NCOA5: variants seen among roughly 807,000 people sequenced by gnomAD.
NCOA5 encodes the protein NCoA-5.
Under a neutral mutation model 59.0 loss-of-function variants are expected in NCOA5, and 12 were observed. That is an observed-to-expected ratio of 0.20 (90% confidence interval 0.13 to 0.33). NCOA5 has a LOEUF of 0.33. Among genes scored for constraint, NCOA5 ranks in the 10% least tolerant of loss-of-function variants. NCOA5 has a pLI of 1.00. For synonymous variants in NCOA5, 270 were observed against 275.5 expected (o/e 0.98, Z 0.20); for missense variants, 655 against 766.6 (o/e 0.85, Z 1.72).
At chr20:46,074,591 G>A (rs1358661576) in intron 2 of NCOA5, among the ~76,000 whole-genome samples, 1 of 152,134 alleles carries the variant, frequency 6.6e-6, no homozygotes, top group Non-Finnish European at 1.5e-5. Flanking sequence ...TGCCTTGAGG[G>A]GAATATAGTC....
chr20:46,073,126 T>C (rs3091794), intron 2 of NCOA5, among the ~76,000 whole-genome samples: 55,283 of 152,062 alleles, frequency 0.36, 10,347 homozygotes, highest in East Asian at 0.57. Context: ...TGAATTATTC[T>C]ACTAAACTGT....
chr20:46,065,327 A>T, intron 5 of NCOA5, 99 bp from the exon 6 acceptor site: 4 of 1,069,986 alleles, frequency 3.7e-6, no homozygotes, highest in Non-Finnish European at 5.7e-6. Context: ...CTCAAACCTT[A>T]GTCTACCCCA....
chr20:46,064,959 G>A (rs2145522814), intron 6 of NCOA5, 70 bp downstream of exon 6: 2 of 1,532,194 alleles, frequency 1.3e-6, no homozygotes, highest in Middle Eastern at 2.2e-4. Context: ...CCCAAAACCT[G>A]CTTCTTCTGA....
Position 46,070,459 on chromosome 20 carries a change from G to A in NCOA5, c.116C>T (p.Pro39Leu). 2 of 1,613,850 alleles carry A rather than the reference G, an allele frequency of 1.2e-6. No homozygotes were observed. The highest frequency in any genetic ancestry group is 1.7e-6 in the Non-Finnish European group (2 of 1,179,980). ...SPIRGSPRRE[P>L]RDGRNGRDAR... ...ATCCCGGCCATTTCTGCCATCCCTGGGCTCTCTCCTTGGACTTCCTCGAAT... is the reference window on the plus strand; with the variant it reads ...ATCCCGGCCATTTCTGCCATCCCTGAGCTCTCTCCTTGGACTTCCTCGAAT... The change falls in exon 3 of 8, where the codon CCC (proline) becomes CTC (leucine). Residue 39 changes from proline (P) to leucine (L), a missense_variant. Pro to Leu is a moderately conservative substitution (Grantham distance 98). Coordinates refer to ENST00000290231, the MANE Select transcript of NCOA5 (RefSeq NM_020967.3).
intron 2 of NCOA5, among the ~76,000 whole-genome samples, chr20:46,073,465 T>C (rs2084905863): frequency 1.3e-5 from 2 of 152,202 alleles, no homozygotes; most frequent in South Asian, 4.1e-4. Flanking sequence ...TTACATCATA[T>C]AATCTTCCTA....
intron 5 of NCOA5, 102 bp from the exon 6 acceptor site, chr20:46,065,330 C>T (rs1292887793): frequency 9.3e-7 from 1 of 1,074,768 alleles, no homozygotes. Context: ...AAACCTTAGT[C>T]TACCCCAGTA....
At chr20:46,085,285 G>A (rs1568888962) in intron 1 of NCOA5, among the ~76,000 whole-genome samples, 1 of 151,816 alleles carries the variant, frequency 6.6e-6, no homozygotes, top group African/African-American at 2.4e-5. Context: ...CCTCAGCCCC[G>A]CAAAGTGTTG....
At chr20:46,084,765 A>G (rs1323019629) in intron 1 of NCOA5, among the ~76,000 whole-genome samples, 1 of 152,198 alleles carries the variant, frequency 6.6e-6, no homozygotes, top group Non-Finnish European at 1.5e-5. Context: ...CTGAGAAAAA[A>G]TGATTTTGGA....
Position 46,065,181 on chromosome 20 carries a change from A to G in NCOA5, c.677T>C (p.Val226Ala). Reference protein sequence around the residue: ...VGRKVRDLGMVVDLIFLNTEV... With the variant: ...VGRKVRDLGMAVDLIFLNTEV... The stretch of plus-strand genomic sequence containing the variant: ...TGTGTTAAGGAAGATCAAGTCCACT[A>G]CCATGCCCAGGTCTCGCACCTTCCG... Residue 226 changes from valine (V) to alanine (A), a missense_variant, in exon 6 of 8, where the codon GTA (valine) becomes GCA (alanine). This residue lies in a region of NCOA5 where 80 missense variants were observed against 153.3 expected (regional missense o/e 0.52). Transcript: ENST00000290231. 6.2e-7 allele frequency: 1 copy of G among 1,614,178 alleles called. No individual in the cohort carries two copies. Among genetic ancestry groups the G allele is most frequent in the Non-Finnish European group, 8.5e-7 (1 of 1,180,026 alleles).
chr20:46,088,727 T>C (rs541745656), intron 1 of NCOA5, among the ~76,000 whole-genome samples: 58 of 152,346 alleles, frequency 3.8e-4, no homozygotes, highest in Non-Finnish European at 6.3e-4. Flanking sequence ...ACATTATCCC[T>C]GAAGAGCCCA....
chr20:46,078,761 C>T (rs190667565), intron 2 of NCOA5, among the ~76,000 whole-genome samples: 2 of 152,214 alleles, frequency 1.3e-5, no homozygotes, highest in East Asian at 3.9e-4. Context: ...AGGGTACACA[C>T]CAGGATTATC....
In NCOA5 at chr20:46,063,542, T is replaced by C. The variant is rs996747915; in HGVS notation, c.968A>G (p.Gln323Arg). The C allele has an allele frequency of 6.2e-7, 1 of 1,614,212 alleles. No individual in the cohort carries two copies. Residue 323 changes from glutamine to arginine, a missense_variant, in exon 7 of 8, where the codon CAG becomes CGG. Physicochemically the swap from Gln to Arg is conservative, Grantham distance 43. This residue lies in a region of NCOA5 where 325 missense variants were observed against 353.2 expected (regional missense o/e 0.92). Transcript: ENST00000290231. ...CTCAGGGCCTCCTCTCTCTCTTTCCTGCAGGATGGCTTCATCGGCCATCTT... is the reference window on the plus strand; with the variant it reads ...CTCAGGGCCTCCTCTCTCTCTTTCCCGCAGGATGGCTTCATCGGCCATCTT... ...AAKMADEAILQERERGGPEEG... is the reference protein window; with the variant it reads ...AAKMADEAILRERERGGPEEG...
chr20:46,072,038 T>G (rs977550908), intron 2 of NCOA5, among the ~76,000 whole-genome samples: 9 of 152,208 alleles, frequency 5.9e-5, no homozygotes, highest in Non-Finnish European at 1.2e-4. Flanking sequence ...ACTACTCAGT[T>G]ACTCAAGCCA....
chr20:46,085,904 C>T (rs1208570402), intron 1 of NCOA5, among the ~76,000 whole-genome samples: 1 of 152,070 alleles, frequency 6.6e-6, no homozygotes, highest in Non-Finnish European at 1.5e-5. Context: ...GTAAGACATT[C>T]AAAATATTGC....
rs1271449500 is a variant in NCOA5 at position 46,061,117 on chromosome 20, T to G, written c.*1183A>C. ...CATAAAATGCTGCCATTTGGGGACC[T>G]TGAATTTTGAAACCATTGTTTGCTT... is the stretch of plus-strand genomic sequence containing the variant. On this transcript the variant is annotated 3_prime_UTR_variant, in exon 8 of 8. Coordinates refer to ENST00000290231, the MANE Select transcript of NCOA5 (RefSeq NM_020967.3). 1.3e-5 allele frequency: 2 copies of G among 151,994 alleles called. No homozygotes were observed. The highest frequency in any genetic ancestry group is 3.8e-4 in the East Asian group (2 of 5,200). 9.4% of individuals were successfully genotyped at this position (151,994 alleles called of 1,614,324 possible).
chr20:46,063,505 A>G lies in NCOA5; in HGVS notation c.1005T>C (p.Arg335=). 1 of 1,614,106 alleles carries G rather than the reference A, an allele frequency of 6.2e-7. No individual in the cohort carries two copies. The highest frequency in any genetic ancestry group is 2.2e-5 in the East Asian group (1 of 44,868). ...RERGGPEEGV[R]GGHPPAIQSL... ...TCTGGATGGCTGGAGGGTGGCCCCC[A>G]CGCACTCCCTCCTCAGGGCCTCCTC... The change falls in exon 7 of 8, where the codon CGT becomes CGC. Residue 335 remains arginine, a synonymous_variant. Transcript: ENST00000290231.
chr20:46,084,447 C>T (rs2085025799), intron 1 of NCOA5, among the ~76,000 whole-genome samples: 1 of 152,204 alleles, frequency 6.6e-6, no homozygotes, highest in African/African-American at 2.4e-5. Context: ...GACCCAGAGA[C>T]ACCCAACAGG....
intron 2 of NCOA5, among the ~76,000 whole-genome samples, chr20:46,075,671 C>T (rs766415756): frequency 3.3e-5 from 5 of 152,316 alleles, no homozygotes; most frequent in Non-Finnish European, 7.3e-5. Context: ...AGATATGCTA[C>T]AAGATCTGGA....
chr20:46,078,313 C>T (rs1330455184), intron 2 of NCOA5, among the ~76,000 whole-genome samples: 1 of 152,188 alleles, frequency 6.6e-6, no homozygotes, highest in African/African-American at 2.4e-5. Flanking sequence ...AAGCAGGTAA[C>T]AAAATACAGG....
Sources: allele counts gnomAD v4.1 joint callset (sites outside exome capture counted in the v4.1 genomes callset), GRCh38; gene constraint gnomAD v4.1.1; regional missense constraint gnomAD v4.1.1; transcripts MANE v1.5; gene names NCBI Gene and HGNC (gene_info 2026-07-23, HGNC 2026-07-21).